BLTP3A: variants seen among roughly 807,000 people sequenced by gnomAD.
The protein encoded by BLTP3A is ICBP90 binding protein 1.
chr6:34,830,232 G>A, the BLTP3A span, among the ~76,000 whole-genome samples: 1 of 152,034 alleles, frequency 6.6e-6, no homozygotes, highest in African/African-American at 2.4e-5. Flanking sequence ...GGGATTACAG[G>A]CTTGTAGAAC....
chr6:34,837,811 G>A, the BLTP3A span, among the ~76,000 whole-genome samples: 2 of 152,200 alleles, frequency 1.3e-5, no homozygotes, highest in African/African-American at 4.8e-5. Flanking sequence ...CATTTTGGAA[G>A]TTTGTTACTA....
At chr6:34,863,460 C>T in the BLTP3A span, among the ~76,000 whole-genome samples, 1 of 152,180 alleles carries the variant, frequency 6.6e-6, no homozygotes, top group Non-Finnish European at 1.5e-5. Flanking sequence ...CCTCTTCTCA[C>T]TTTCACAGTC....
At chr6:34,830,701 G>A in the BLTP3A span, among the ~76,000 whole-genome samples, 14 of 152,208 alleles carry the variant, frequency 9.2e-5, no homozygotes, top group African/African-American at 3.1e-4. Flanking sequence ...ACCTTCTTGT[G>A]TATATATCAC....
At chr6:34,814,207 G>A in the BLTP3A span, among the ~76,000 whole-genome samples, 2 of 152,118 alleles carry the variant, frequency 1.3e-5, no homozygotes, top group South Asian at 4.1e-4. Context: ...TAGAGATGAG[G>A]TTTCACCATG....
chr6:34,859,480 G>T, the BLTP3A span: 1 of 1,614,202 alleles, frequency 6.2e-7, no homozygotes, highest in Non-Finnish European at 8.5e-7. Flanking sequence ...CCTCACCAAG[G>T]AAGCTGTGTC....
At chr6:34,834,297 C>A in the BLTP3A span, 2 of 1,614,126 alleles carry the variant, frequency 1.2e-6, no homozygotes, top group South Asian at 2.2e-5. Flanking sequence ...CACTCCAAGG[C>A]CTTCCACGCT....
the BLTP3A span, chr6:34,867,105 A>G: frequency 4.1e-4 from 447 of 1,099,800 alleles, 4 homozygotes; most frequent in African/African-American, 6.2e-3. Flanking sequence ...TCAAATTTCT[A>G]GTTGTCTCAT....
chr6:34,792,765 C>A, the BLTP3A span, among the ~76,000 whole-genome samples: 1 of 152,222 alleles, frequency 6.6e-6, no homozygotes, highest in Non-Finnish European at 1.5e-5. Context: ...CCGCCCTCCT[C>A]TCCCAGATCC....
the BLTP3A span, chr6:34,822,063 C>T: frequency 1.5e-4 from 195 of 1,329,618 alleles, no homozygotes; most frequent in Middle Eastern, 1.8e-4. Flanking sequence ...TGGTGGGTGT[C>T]TCCTTATGTC....
chr6:34,816,751 AT>A, the BLTP3A span, among the ~76,000 whole-genome samples: 3 of 152,228 alleles, frequency 2.0e-5, no homozygotes, highest in Admixed American at 2.0e-4. Flanking sequence ...TTCTACAAGA[AT>A]TCTCAGCTGG....
the BLTP3A span, chr6:34,834,592 T>C: frequency 5.0e-6 from 7 of 1,399,226 alleles, no homozygotes; most frequent in South Asian, 9.6e-5. Flanking sequence ...AATTCACTGC[T>C]TTTTCTTGGT....
At chr6:34,808,060 T>C in the BLTP3A span, among the ~76,000 whole-genome samples, 3 of 148,820 alleles carry the variant, frequency 2.0e-5, no homozygotes, top group Admixed American at 2.0e-4. Flanking sequence ...TAGAAATCAG[T>C]GGGCCAGGCG....
the BLTP3A span, among the ~76,000 whole-genome samples, chr6:34,847,924 T>TC: frequency 4.0e-4 from 51 of 125,948 alleles, 2 homozygotes; most frequent in African/African-American, 1.3e-3. Flanking sequence ...TTTTTTCCTT[T>TC]TTTTTTTTTT....
the BLTP3A span, among the ~76,000 whole-genome samples, chr6:34,796,790 G>GC: frequency 0.028 from 4,305 of 152,074 alleles, 178 homozygotes; most frequent in African/African-American, 0.095. Context: ...TGCAACCTCT[G>GC]CCCCCCCGAG....
chr6:34,806,701 A>AT, the BLTP3A span, among the ~76,000 whole-genome samples: 1 of 152,036 alleles, frequency 6.6e-6, no homozygotes, highest in Non-Finnish European at 1.5e-5. Context: ...TTGCTCTGTT[A>AT]CCCAGGCTGG....
the BLTP3A span, chr6:34,856,790 A>G: frequency 1.2e-6 from 2 of 1,610,376 alleles, no homozygotes. Flanking sequence ...TTTTATTTAG[A>G]TTCTCTTTCC....
the BLTP3A span, among the ~76,000 whole-genome samples, chr6:34,803,676 AG>A: frequency 6.6e-6 from 1 of 152,168 alleles, no homozygotes; most frequent in African/African-American, 2.4e-5. Flanking sequence ...ATACTCCAAA[AG>A]TTCCCAGTTT....
chr6:34,833,140 G>A, the BLTP3A span, among the ~76,000 whole-genome samples: 1 of 152,160 alleles, frequency 6.6e-6, no homozygotes, highest in East Asian at 1.9e-4. Context: ...TGCATATGCG[G>A]ATTTTTTTCA....
the BLTP3A span, chr6:34,821,876 G>A: frequency 1.2e-6 from 2 of 1,614,184 alleles, no homozygotes; most frequent in South Asian, 1.1e-5. Flanking sequence ...TTTCTGGAGG[G>A]TCAGCTACCA....
Sources: allele counts gnomAD v4.1 joint callset (sites outside exome capture counted in the v4.1 genomes callset), GRCh38; gene constraint gnomAD v4.1.1; transcripts MANE v1.5; gene names NCBI Gene and HGNC (gene_info 2026-07-23, HGNC 2026-07-21).